The following LAMA2 variants were observed in gnomAD, a reference collection of about 807,000 sequenced individuals.
LAMA2 encodes the protein laminin subunit alpha 2.
LAMA2 carries 269 observed loss-of-function variants against 364.8 expected under a neutral mutation model. The ratio of observed to expected loss-of-function variants is 0.74; its 90% confidence interval spans 0.67 to 0.82. LAMA2 has a LOEUF of 0.82. Ranked by LOEUF, LAMA2 falls within the 40% of genes least tolerant of loss-of-function variation. The pLI, the probability that LAMA2 is intolerant of heterozygous loss-of-function variation, is 0.00. For synonymous variants in LAMA2, 1,379 were observed against 1,370.6 expected (o/e 1.01, Z -0.14); for missense variants, 3,807 against 3,873.2 (o/e 0.98, Z 0.45).
intron 1 of LAMA2, among the ~76,000 whole-genome samples, chr6:128,902,413 T>C (rs981445339): frequency 6.6e-6 from 1 of 152,152 alleles, no homozygotes; most frequent in African/African-American, 2.4e-5. Context: ...AAACACATAA[T>C]TTTGAGACAA....
chr6:129,297,687 T>A lies in LAMA2; in HGVS notation c.2859T>A (p.Ala953=). 1 of 1,613,686 alleles carries A rather than the reference T, an allele frequency of 6.2e-7. No homozygotes were observed. ...VQGQRCDKCK[A]GTFGLQSARG... ...TTTCTCTCCTCTTCCATTGCCAGGC[T>A]GGGACCTTTGGCCTACAATCAGCAA... The change falls in exon 21 of 65, where the codon GCT becomes GCA. Residue 953 remains alanine (A), a splice_region_variant and synonymous_variant. Coordinates refer to ENST00000421865, the MANE Select transcript of LAMA2 (RefSeq NM_000426.4).
intron 12 of LAMA2, among the ~76,000 whole-genome samples, chr6:129,215,294 C>A (rs1319273019): frequency 2.0e-5 from 3 of 152,102 alleles, no homozygotes; most frequent in African/African-American, 7.2e-5. Flanking sequence ...AATAAGGCCT[C>A]AAGAGATTAT....
chr6:128,908,580 A>C (rs1777662648), intron 1 of LAMA2, among the ~76,000 whole-genome samples: 1 of 138,006 alleles, frequency 7.2e-6, no homozygotes, highest in South Asian at 2.6e-4. Flanking sequence ...TCCTTTCAAA[A>C]AACCAGCTCC....
chr6:129,035,748 C>T (rs1210912531), intron 1 of LAMA2, among the ~76,000 whole-genome samples: 2 of 151,952 alleles, frequency 1.3e-5, no homozygotes, highest in East Asian at 3.9e-4. Context: ...GTCCTTTCCC[C>T]ATTGCTTATT....
At chr6:129,151,117 A>G (rs3778138) in intron 7 of LAMA2, among the ~76,000 whole-genome samples, 4,175 of 152,252 alleles carry the variant, frequency 0.027, 125 homozygotes, top group East Asian at 0.15. Context: ...GTTACTAGCC[A>G]TATTCTTGAA....
At chr6:129,148,018 T>G (rs939551194) in intron 6 of LAMA2, among the ~76,000 whole-genome samples, 1 of 152,096 alleles carries the variant, frequency 6.6e-6, no homozygotes, top group African/African-American at 2.4e-5. Context: ...GGTCATTTGC[T>G]GCCCCTATCA....
intron 3 of LAMA2, among the ~76,000 whole-genome samples, chr6:129,066,863 A>T (rs954978450): frequency 6.6e-6 from 1 of 152,238 alleles, no homozygotes; most frequent in African/African-American, 2.4e-5. Flanking sequence ...GGAGCAGTAG[A>T]TGTCCACATG....
chr6:129,368,912 CAT>C (rs1777922982), intron 33 of LAMA2, among the ~76,000 whole-genome samples: 1 of 152,210 alleles, frequency 6.6e-6, no homozygotes, highest in Non-Finnish European at 1.5e-5. Flanking sequence ...CAAGGACACA[CAT>C]GTGATGGAAC....
intron 1 of LAMA2, among the ~76,000 whole-genome samples, chr6:128,905,197 G>A (rs73773540): frequency 0.011 from 1,620 of 151,972 alleles, 36 homozygotes; most frequent in African/African-American, 0.037. Flanking sequence ...CAATCTTTGG[G>A]GTAACTTCTA....
chr6:129,293,046 G>A (rs1052761986), intron 20 of LAMA2: 2 of 985,914 alleles, frequency 2.0e-6, no homozygotes, highest in Non-Finnish European at 1.2e-6. Flanking sequence ...CCCTCGGGGA[G>A]CCTATCGGGC....
At chr6:128,883,815 C>G (rs1775985074) in intron 1 of LAMA2, among the ~76,000 whole-genome samples, 1 of 142,840 alleles carries the variant, frequency 7.0e-6, no homozygotes. Context: ...CACACACACA[C>G]ACACACACAC....
rs186610359 is a variant in LAMA2 at position 129,013,432 on chromosome 6, A to G, written c.113-36486A>G. ...GGCCTGGGCGAAAGAGAGAGACTCC[A>G]TCTCAAAAAAAAAAAAATTTTTTTT... On this transcript the variant is annotated intron_variant, in intron 1 of 64. Transcript: ENST00000421865. Among the ~76,000 whole-genome samples, 175 of 150,838 alleles carry G rather than the reference A, an allele frequency of 1.2e-3. 1 individual carries two copies. Among genetic ancestry groups the G allele is most frequent in the Non-Finnish European group, 2.1e-3 (140 of 67,954 alleles).
chr6:129,360,807 A>G (rs1777415216), intron 32 of LAMA2, among the ~76,000 whole-genome samples: 1 of 152,238 alleles, frequency 6.6e-6, no homozygotes, highest in African/African-American at 2.4e-5. Flanking sequence ...ATCAGTATTC[A>G]TCATGCCTCT....
At chr6:129,114,158 T>A (rs1776325676) in intron 4 of LAMA2, among the ~76,000 whole-genome samples, 1 of 151,998 alleles carries the variant, frequency 6.6e-6, no homozygotes, top group East Asian at 1.9e-4. Flanking sequence ...ATTTATATAT[T>A]AAAAAATCCC....
rs539967077 is a variant in LAMA2, at chr6:129,326,679, CACA to C, written c.4177-1594_4177-1592del. On this transcript the variant is annotated intron_variant, in intron 28 of 64. Coordinates refer to ENST00000421865, the MANE Select transcript of LAMA2 (RefSeq NM_000426.4). ...ATGCACCTAGCAAGTATGTCAATAA[CACA>C]ACAATTTTATATATATATAATTTTA... Among the ~76,000 whole-genome samples, 1,182 of 145,110 alleles carry C rather than the reference CACA, an allele frequency of 8.1e-3. 22 individuals are homozygous for C. The highest frequency in any genetic ancestry group is 0.029 in the African/African-American group (1,145 of 39,098).
chr6:129,086,132 G>A (rs773967249), intron 3 of LAMA2, among the ~76,000 whole-genome samples: 7 of 152,176 alleles, frequency 4.6e-5, no homozygotes, highest in Admixed American at 6.5e-5. Flanking sequence ...GCAAGTCTTC[G>A]TTTTGAAGAA....
chr6:129,163,619 C>T (rs931524635), intron 8 of LAMA2, among the ~76,000 whole-genome samples: 26 of 151,948 alleles, frequency 1.7e-4, no homozygotes, highest in African/African-American at 4.8e-4. Context: ...GGCAAGAGAG[C>T]GAGACCCTAT....
At chr6:129,479,860 G>A (rs1583848312) in intron 54 of LAMA2, 1 of 152,170 alleles carries the variant, frequency 6.6e-6, no homozygotes, top group East Asian at 1.9e-4. Flanking sequence ...CCCACTCTGA[G>A]AAGTTTGGGA....
At chr6:129,284,412 C>T (rs1788951281) in intron 18 of LAMA2, among the ~76,000 whole-genome samples, 1 of 152,090 alleles carries the variant, frequency 6.6e-6, no homozygotes, top group Admixed American at 6.6e-5. Flanking sequence ...TTGCATATCT[C>T]CAGTTGTTCT....
Sources: allele counts gnomAD v4.1 joint callset (sites outside exome capture counted in the v4.1 genomes callset), GRCh38; gene constraint gnomAD v4.1.1; transcripts MANE v1.5; gene names NCBI Gene and HGNC (gene_info 2026-07-23, HGNC 2026-07-21).